The following TTC6 variants were observed in gnomAD, a reference collection of about 807,000 sequenced individuals.
TTC6 encodes the protein tetratricopeptide repeat domain 6.
In TTC6, 172 loss-of-function variants were observed where a neutral mutation model predicts 210.4. That is an observed-to-expected ratio of 0.82 (90% CI 0.72 to 0.93). The LOEUF is 0.93. Ranked by LOEUF, TTC6 falls within the 40% of genes least tolerant of loss-of-function variation. The pLI, the probability that TTC6 is intolerant of heterozygous loss-of-function variation, is 0.00. For synonymous variants in TTC6, 804 were observed against 819.6 expected, an observed-to-expected ratio of 0.98 and a Z score of 0.32; for missense variants, 2,414 against 2,318.1, an observed-to-expected ratio of 1.04 and a Z score of -0.85.
upstream of TTC6, among the ~76,000 whole-genome samples, chr14:37,619,742 T>C (rs2095648328): frequency 6.6e-6 from 1 of 152,124 alleles, no homozygotes; most frequent in Admixed American, 6.5e-5. Flanking sequence ...TTTATTTATC[T>C]GGTTGCTCTT....
chr14:37,599,667 C>T (rs1392088963), intron 1 of TTC6, among the ~76,000 whole-genome samples: 2 of 152,136 alleles, frequency 1.3e-5, no homozygotes, highest in Non-Finnish European at 1.5e-5. Flanking sequence ...CCTCTGGCCA[C>T]GGGAGAGCAT....
chr14:37,621,399 C>T (rs1480649249), upstream of TTC6, among the ~76,000 whole-genome samples: 1 of 152,036 alleles, frequency 6.6e-6, no homozygotes, highest in African/African-American at 2.4e-5. Context: ...GGCATGAGCC[C>T]AGGGAGTTAG....
At chr14:37,710,886 T>G (rs550046264) in intron 5 of TTC6, among the ~76,000 whole-genome samples, 71 of 152,148 alleles carry the variant, frequency 4.7e-4, no homozygotes, top group African/African-American at 1.6e-3. Flanking sequence ...TAGATTTGAT[T>G]TCATCCCAGG....
intron 1 of TTC6, among the ~76,000 whole-genome samples, chr14:37,677,543 G>A (rs1951646): frequency 0.63 from 95,956 of 151,680 alleles, 30,516 homozygotes; most frequent in East Asian, 0.85. Flanking sequence ...AGTGAACTTG[G>A]GGCAGTGTTC....
intron 1 of TTC6, 63 bp downstream of exon 3, chr14:37,623,066 T>C (rs753754164): frequency 8.4e-7 from 1 of 1,195,590 alleles, no homozygotes; most frequent in Middle Eastern, 2.0e-4. Flanking sequence ...ATTACATATG[T>C]AAGAGTAGTT....
intron 2 of TTC6, among the ~76,000 whole-genome samples, chr14:37,607,042 C>T (rs1166118823): frequency 6.6e-6 from 1 of 152,196 alleles, no homozygotes; most frequent in African/African-American, 2.4e-5. Flanking sequence ...AAAGCACATA[C>T]AACAGTCTTG....
intron 26 of TTC6, among the ~76,000 whole-genome samples, chr14:37,820,908 C>T (rs548903403): frequency 4.0e-5 from 6 of 149,236 alleles, no homozygotes; most frequent in African/African-American, 7.6e-5. Flanking sequence ...TCCTCCTTCT[C>T]CTCCTCCTTC....
rs144952711 is a variant in TTC6 at position 37,642,107 on chromosome 14, C to T, written c.939+19104C>T. ...GCTCAGGTATCCAGAATTCTTTGTCCCTTGACTTCTCTTTCAGATCTCTGC... is the reference window on the plus strand; with the variant it reads ...GCTCAGGTATCCAGAATTCTTTGTCTCTTGACTTCTCTTTCAGATCTCTGC... On this transcript the variant is annotated intron_variant, in intron 1 of 30. Coordinates refer to ENST00000553443, the Ensembl canonical transcript of TTC6. Among the ~76,000 whole-genome samples, 358 of 152,268 alleles carry T rather than the reference C, an allele frequency of 2.4e-3. 2 individuals carry two copies. The highest frequency in any genetic ancestry group is 8.0e-3 in the African/African-American group (333 of 41,548).
exon 13 of TTC6, chr14:37,751,215 A>G (rs1237560256): frequency 1.3e-6 from 2 of 1,519,460 alleles, no homozygotes; most frequent in East Asian, 2.5e-5. Context: ...GCCATTGATG[A>G]CTTTTCGAAA....
intron 1 of TTC6, among the ~76,000 whole-genome samples, chr14:37,676,671 T>C (rs991691307): frequency 2.2e-4 from 34 of 152,268 alleles, no homozygotes; most frequent in Admixed American, 2.2e-3. Flanking sequence ...TCATATGTTT[T>C]CTTCTAAGAA....
intron 20 of TTC6, among the ~76,000 whole-genome samples, chr14:37,803,237 C>T (rs1419113442): frequency 6.6e-6 from 1 of 152,178 alleles, no homozygotes; most frequent in Non-Finnish European, 1.5e-5. Flanking sequence ...TCCACCCAAT[C>T]AATAGTGATG....
chr14:37,693,979 AAAACAAAC>A (rs57428441), intron 3 of TTC6, among the ~76,000 whole-genome samples: 3,357 of 150,450 alleles, frequency 0.022, 41 homozygotes, highest in South Asian at 0.066. Context: ...AACTACCACA[AAAACAAAC>A]AAACAAACAA....
At chr14:37,722,826 C>T (rs909008208) in intron 6 of TTC6, among the ~76,000 whole-genome samples, 1 of 151,994 alleles carries the variant, frequency 6.6e-6, no homozygotes, top group Non-Finnish European at 1.5e-5. Flanking sequence ...TCTTTTTTTC[C>T]CCTTTCCATA....
intron 14 of TTC6, among the ~76,000 whole-genome samples, chr14:37,784,514 C>G (rs1017405715): frequency 3.3e-5 from 5 of 152,080 alleles, no homozygotes; most frequent in African/African-American, 9.7e-5. Context: ...CTATGTGTGT[C>G]TCTGCACGTT....
At chr14:37,629,179 C>G (rs1334609947) in intron 1 of TTC6, among the ~76,000 whole-genome samples, 1 of 152,138 alleles carries the variant, frequency 6.6e-6, no homozygotes, top group Non-Finnish European at 1.5e-5. Flanking sequence ...AGCATTGAAT[C>G]TATAAATTAC....
intron 7 of TTC6, among the ~76,000 whole-genome samples, chr14:37,728,071 T>G (rs911025867): frequency 1.3e-5 from 2 of 152,198 alleles, no homozygotes; most frequent in Non-Finnish European, 2.9e-5. Flanking sequence ...TTTAACCTCA[T>G]GAAGTCTCAG....
At position 37,654,053 on chromosome 14, in the gene TTC6, A is replaced by G. The variant is rs564842934; in HGVS notation, c.940-26098A>G. Among the ~76,000 whole-genome samples the G allele has an allele frequency of 2.6e-5, 4 of 152,286 alleles. No individual in the cohort carries two copies. In the South Asian group the frequency reaches 8.3e-4, roughly 32 times the overall value. On this transcript the variant is annotated intron_variant, in intron 1 of 30. Transcript: ENST00000553443. ...TCTTATAGTTAAAGCTTGTCTAAGA[A>G]AATTGTTTCTATAGATGCTTAATAT...
intron 1 of TTC6, among the ~76,000 whole-genome samples, chr14:37,603,935 G>A (rs1056455080): frequency 2.0e-5 from 3 of 152,234 alleles, no homozygotes; most frequent in Admixed American, 6.5e-5. Flanking sequence ...AAATGGGCAT[G>A]GGAGTACCCA....
intron 13 of TTC6, among the ~76,000 whole-genome samples, chr14:37,751,745 G>GGTAA (rs1368668262): frequency 6.6e-6 from 1 of 151,478 alleles, no homozygotes; most frequent in African/African-American, 2.4e-5. Context: ...TACAAATTAT[G>GGTAA]GTAAGTACTA....
Sources: allele counts gnomAD v4.1 joint callset (sites outside exome capture counted in the v4.1 genomes callset), GRCh38; gene constraint gnomAD v4.1.1; transcripts MANE v1.5; gene names NCBI Gene and HGNC (gene_info 2026-07-23, HGNC 2026-07-21).